The following SDK2 variants were observed in gnomAD, a reference collection of about 807,000 sequenced individuals.
SDK2 encodes the protein protein sidekick-2.
In SDK2, 105 loss-of-function variants were observed where a neutral mutation model predicts 253.9. That is an observed-to-expected ratio of 0.41 (90% CI 0.35 to 0.49). The LOEUF is 0.49. Ranked by LOEUF, SDK2 falls within the 20% of genes least tolerant of loss-of-function variation. The probability of loss-of-function intolerance (pLI) is 0.06; values close to 1 mark genes in which losing one functional copy is unlikely to be tolerated. For missense variants in SDK2, 2,608 were observed against 3,003.0 expected (o/e 0.87, Z 3.07); for synonymous variants, 1,249 against 1,234.9 (o/e 1.01, Z -0.24).
intron 6 of SDK2, among the ~76,000 whole-genome samples, chr17:73,438,991 C>T (rs1344780874): frequency 3.3e-5 from 5 of 152,194 alleles, no homozygotes; most frequent in African/African-American, 1.2e-4. Context: ...ACCCTGGTGG[C>T]CTTGCCCAAG....
chr17:73,430,504 C>T lies in SDK2; in HGVS notation c.1583+7G>A, dbSNP rs368560811. 1.9e-6 allele frequency: 3 copies of T among 1,598,014 alleles called. No homozygotes were observed. Among genetic ancestry groups the T allele is most frequent in the Non-Finnish European group, 2.6e-6 (3 of 1,169,652 alleles). On this transcript the variant is annotated splice_region_variant and intron_variant, in intron 12 of 44. Transcript: ENST00000392650. ...CTCTTGCCTGGAGTCAACAGCAGAG[C>T]CAGTACCTGATGGTTACTCGGGGGT...
chr17:73,473,585 T>C (rs1388366745), intron 2 of SDK2, among the ~76,000 whole-genome samples: 1 of 152,242 alleles, frequency 6.6e-6, no homozygotes, highest in Non-Finnish European at 1.5e-5. Flanking sequence ...AGTTTGGTTT[T>C]ATTAATACAT....
chr17:73,443,643 A>G lies in SDK2; in HGVS notation c.614-2720T>C, dbSNP rs145602564. ...GAGAGATGGCCATGTGCTCAGGCCC[A>G]GGTGGCAGCCTGCAGGGCTCGATGG... On this transcript the variant is annotated intron_variant, in intron 5 of 44. Coordinates refer to ENST00000392650, the MANE Select transcript of SDK2 (RefSeq NM_001144952.2). The surrounding 1 kb of genome is among the most constrained non-coding windows in gnomAD (Gnocchi z 4.6). 5.9e-5 allele frequency among the ~76,000 whole-genome samples: 9 copies of G among 152,318 alleles called. No homozygotes were observed. In the East Asian group the frequency reaches 1.5e-3, roughly 26 times the overall value.
At chr17:73,551,004 C>A (rs1416298693) in intron 1 of SDK2, among the ~76,000 whole-genome samples, 1 of 152,158 alleles carries the variant, frequency 6.6e-6, no homozygotes, top group Non-Finnish European at 1.5e-5. Flanking sequence ...ACTGGCCAAG[C>A]CTAACCTGAA....
intron 1 of SDK2, among the ~76,000 whole-genome samples, chr17:73,538,522 C>CA (rs1393331757): frequency 1.3e-5 from 2 of 152,142 alleles, no homozygotes; most frequent in Non-Finnish European, 2.9e-5. Flanking sequence ...TCAATAAATA[C>CA]AAAAATAAGT....
At position 73,337,294 on chromosome 17, in the gene SDK2, C is replaced by A. The variant is rs1311767143; in HGVS notation, c.*1293G>T. On this transcript the variant is annotated 3_prime_UTR_variant, in exon 45 of 45. Transcript: ENST00000392650. The stretch of plus-strand genomic sequence containing the variant: ...TTTTGCCTGTAAACTGGGTGCTAGG[C>A]TGACTGAGCAAACTCTGGGTATTCC... 6.6e-6 allele frequency: 1 copy of A among 152,314 alleles called. No homozygotes were observed. The allele number at this position is 152,314 out of a possible 1,614,324, so 9.4% of individuals were successfully genotyped here.
In SDK2 at chr17:73,391,664, G is replaced by T. The variant is rs960742458; in HGVS notation, c.3899-126C>A. 21 of 422,112 alleles carry T rather than the reference G, an allele frequency of 5.0e-5. No homozygotes were observed. The Admixed American group carries it at 7.0e-4, about 14-fold the overall frequency. The allele number at this position is 422,112 out of a possible 1,614,324, so 26.1% of individuals were successfully genotyped here. ...GGGCCGCCCAGCTCAGTGAATTTCT[G>T]TGGAGTACTGCCCTGTGCCTGACAC... On this transcript the variant is annotated intron_variant, in intron 27 of 44. Coordinates refer to ENST00000392650, the MANE Select transcript of SDK2 (RefSeq NM_001144952.2).
chr17:73,614,552 TG>T (rs2046022699), intron 1 of SDK2, among the ~76,000 whole-genome samples: 1 of 85,008 alleles, frequency 1.2e-5, no homozygotes. Context: ...CAAAAGACAC[TG>T]GGGGACAAGG....
Position 73,438,078 on chromosome 17 carries a change from G to A in SDK2, c.802C>T (p.Arg268Trp), listed in dbSNP as rs201871794. The part of the protein sequence containing the change: ...LSGGISDHNR[R>W]LTIPNPTGSD... ...CCGGTGGGGTTGGGGATGGTGAGCCGGCGGTTGTGGTCACTGATGCCGCCC... is the reference window on the plus strand; with the variant it reads ...CCGGTGGGGTTGGGGATGGTGAGCCAGCGGTTGTGGTCACTGATGCCGCCC... The change falls in exon 7 of 45, where the codon CGG becomes TGG. Residue 268 changes from arginine (R) to tryptophan (W), a missense_variant. By Grantham distance (101) the Arg-to-Trp change is moderately radical. Transcript: ENST00000392650. 184 of 1,551,566 alleles carry A rather than the reference G, an allele frequency of 1.2e-4. No individual in the cohort carries two copies. Among genetic ancestry groups the A allele is most frequent in the South Asian group, 9.5e-4 (80 of 84,068 alleles).
In SDK2 at chr17:73,446,890, G is replaced by A. The variant is rs376008150; in HGVS notation, c.613+725C>T. On this transcript the variant is annotated intron_variant, in intron 5 of 44. Transcript: ENST00000392650. ...GAATGGAGTATGGAGGGAGGGGCTCGTCCAGTAGGGAGAACCAGGCCAGAA... is the reference window on the plus strand; with the variant it reads ...GAATGGAGTATGGAGGGAGGGGCTCATCCAGTAGGGAGAACCAGGCCAGAA... Among the ~76,000 whole-genome samples the A allele has an allele frequency of 1.8e-4, 27 of 152,108 alleles. No homozygotes were observed. The East Asian group carries it at 3.5e-3, about 20-fold the overall frequency.
chr17:73,431,696 G>T lies in SDK2; in HGVS notation c.1313-27C>A. 1 of 1,576,260 alleles carries T rather than the reference G, an allele frequency of 6.3e-7. No homozygotes were observed. Among genetic ancestry groups the T allele is most frequent in the Non-Finnish European group, 8.6e-7 (1 of 1,160,192 alleles). On this transcript the variant is annotated intron_variant, in intron 10 of 44. Coordinates refer to ENST00000392650, the MANE Select transcript of SDK2 (RefSeq NM_001144952.2). This position sits in a 1 kb window ranked among gnomAD's most constrained non-coding sequence, Gnocchi z 5.6. ...TGAGGGCAAAACAGGGTGGGGGTCA[G>T]CCTGTAGCCCCCAAGGGCACACCCT...
At chr17:73,373,735 C>A (rs2145449502) in intron 36 of SDK2, among the ~76,000 whole-genome samples, 1 of 152,262 alleles carries the variant, frequency 6.6e-6, no homozygotes, top group South Asian at 2.1e-4. Context: ...GGGTTCACTG[C>A]AACCTCCACC....
intron 1 of SDK2, among the ~76,000 whole-genome samples, chr17:73,636,695 A>G (rs2046335307): frequency 1.3e-5 from 2 of 150,148 alleles, no homozygotes; most frequent in East Asian, 1.9e-4. Context: ...AAAAAAAAAA[A>G]AAAAAAAAAA....
At chr17:73,631,281 CCTGTAGA>C (rs1325775475) in intron 1 of SDK2, among the ~76,000 whole-genome samples, 1 of 152,166 alleles carries the variant, frequency 6.6e-6, no homozygotes, top group Non-Finnish European at 1.5e-5. Context: ...CCGCTCTCTG[CCTGTAGA>C]CACTACACCA....
intron 1 of SDK2, among the ~76,000 whole-genome samples, chr17:73,531,987 C>T (rs778875551): frequency 6.6e-6 from 1 of 152,202 alleles, no homozygotes. Context: ...TAATCTCCAT[C>T]GTGGTGCATT....
rs773310208 is a variant in SDK2, at chr17:73,390,419, C to T, written c.4060G>A (p.Ala1354Thr). The T allele has an allele frequency of 5.6e-6, 9 of 1,612,766 alleles. No individual in the cohort carries two copies. Among genetic ancestry groups the T allele is most frequent in the African/African-American group, 2.7e-5 (2 of 74,924 alleles). The change falls in exon 29 of 45, where the codon GCA becomes ACA. Residue 1354 changes from alanine to threonine, a missense_variant. This residue lies in a region of SDK2 where 1,103 missense variants were observed against 1,143.9 expected (regional missense o/e 0.96). Coordinates refer to ENST00000392650, the MANE Select transcript of SDK2 (RefSeq NM_001144952.2). ...GCTGTGTACTGCCGGGCGCTGGGTG[C>T]CAGCACCTCCACAGTGGCGGTGTTG... ...TANTATVEVL[A>T]PSARQYTATG...
chr17:73,501,335 C>G (rs564973733), intron 2 of SDK2, among the ~76,000 whole-genome samples: 25 of 152,220 alleles, frequency 1.6e-4, no homozygotes, highest in African/African-American at 5.5e-4. Flanking sequence ...TTCCTCCCCC[C>G]CACCACCTGT....
rs1465819910 is a variant in SDK2 at position 73,443,168 on chromosome 17, T to C, written c.614-2245A>G. 6.6e-6 allele frequency among the ~76,000 whole-genome samples: 1 copy of C among 152,194 alleles called. No homozygotes were observed. Among genetic ancestry groups the C allele is most frequent in the Non-Finnish European group, 1.5e-5 (1 of 68,032 alleles). On this transcript the variant is annotated intron_variant, in intron 5 of 44. Transcript: ENST00000392650. This position sits in a 1 kb window ranked among gnomAD's most constrained non-coding sequence, Gnocchi z 4.6. ...GGGGCAGGGTGCACAGTGGCCCCAC[T>C]GCCCCTCTGGGCCACCTTGTCAGCC...
At chr17:73,407,614 TAGCGGG>T (rs919183590) in intron 18 of SDK2, among the ~76,000 whole-genome samples, 1 of 151,758 alleles carries the variant, frequency 6.6e-6, no homozygotes, top group East Asian at 1.9e-4. Context: ...GAAATAGAGA[TAGCGGG>T]GGCGGGGGAG....
Sources: allele counts gnomAD v4.1 joint callset (sites outside exome capture counted in the v4.1 genomes callset), GRCh38; gene constraint gnomAD v4.1.1; regional missense constraint gnomAD v4.1.1; non-coding constraint Gnocchi (gnomAD v3.1); transcripts MANE v1.5; gene names NCBI Gene and HGNC (gene_info 2026-07-23, HGNC 2026-07-21).